Variants in DGKK observed in about 807,000 individuals in gnomAD.
The protein encoded by DGKK is 142 kDa diacylglycerol kinase.
DGKK carries 35 observed loss-of-function variants against 92.2 expected under a neutral mutation model. The ratio of observed to expected loss-of-function variants is 0.38; its 90% CI spans 0.29 to 0.50. DGKK has a LOEUF of 0.50. Among genes scored for constraint, DGKK ranks in the 20% least tolerant of loss-of-function variants. The pLI, the probability that DGKK is intolerant of heterozygous loss-of-function variation, is 0.92. For synonymous variants in DGKK, 368 were observed against 360.6 expected (o/e 1.02, Z -0.23); for missense variants, 910 against 992.2 (o/e 0.92, Z 1.11).
rs189584194 is a variant in DGKK, at chrX:50,444,387, C to T, written c.646-20029G>A. Among the ~76,000 whole-genome samples the T allele has an allele frequency of 6.4e-3, 704 of 110,557 alleles. 5 individuals are homozygous for T. The highest frequency in any genetic ancestry group is 0.011 in the Admixed American group (115 of 10,409). On this transcript the variant is annotated intron_variant, in intron 1 of 27. Transcript: ENST00000611977. ...TTTGTTGTACAGACTATTTCGTCAC[C>T]CAGGTATTAAGCCCAGTACTCAACA...
At chrX:50,453,191 C>A (rs928882127) in intron 1 of DGKK, among the ~76,000 whole-genome samples, 8 of 111,223 alleles carry the variant, frequency 7.2e-5, no homozygotes. Flanking sequence ...CTCAAAGAGG[C>A]TGCTTTGAAA....
intron 24 of DGKK, among the ~76,000 whole-genome samples, chrX:50,375,439 C>A (rs1193264368): frequency 8.9e-6 from 1 of 111,843 alleles, no homozygotes; most frequent in Non-Finnish European, 1.9e-5. Flanking sequence ...TAGGGCCTAA[C>A]ATCTCTCTTC....
chrX:50,400,253 CA>C (rs1178742887), intron 8 of DGKK, among the ~76,000 whole-genome samples: 1 of 111,536 alleles, frequency 9.0e-6, no homozygotes, highest in Non-Finnish European at 1.9e-5. Flanking sequence ...AAAAACTATA[CA>C]AAATACCCTT....
In DGKK at chrX:50,392,427, C is replaced by G; in HGVS notation, c.1618G>C (p.Ala540Pro). The G allele has an allele frequency of 8.3e-7, 1 of 1,210,945 alleles. No homozygotes were observed. Among genetic ancestry groups the G allele is most frequent in the South Asian group, 1.8e-5 (1 of 56,957 alleles). Residue 540 changes from alanine to proline, a missense_variant, in exon 10 of 28, where the codon GCT becomes CCT. Physicochemically the swap from Ala to Pro is conservative, Grantham distance 27 (BLOSUM62 -1). Coordinates refer to ENST00000611977, the MANE Select transcript of DGKK (RefSeq NM_001013742.4). ...EAGLSMFKNF[A>P]RFRILVCGGD... ...CCACAAACCAGAATGCGAAAGCGAG[C>G]AAAGTTCTTGAACATAGACAGCCTG...
intron 8 of DGKK, among the ~76,000 whole-genome samples, chrX:50,393,930 A>T (rs782111963): frequency 1.6e-4 from 18 of 112,520 alleles, no homozygotes; most frequent in Non-Finnish European, 3.0e-4. Context: ...AATCTGTGTT[A>T]TCTCACCAAC....
intron 1 of DGKK, among the ~76,000 whole-genome samples, chrX:50,456,048 C>G (rs1226350374): frequency 8.9e-6 from 1 of 111,911 alleles, no homozygotes; most frequent in African/African-American, 3.2e-5. Context: ...ATGTGGTCAT[C>G]TTGCCCTGCA....
chrX:50,443,820 A>ACT (rs782815612), intron 1 of DGKK, among the ~76,000 whole-genome samples: 3 of 108,447 alleles, frequency 2.8e-5, no homozygotes, highest in Non-Finnish European at 5.8e-5. Flanking sequence ...TAGGCACAAA[A>ACT]CTCTCTCCTG....
At position 50,367,608 on chromosome X, in the gene DGKK, G is replaced by A. The variant is rs2041689723; in HGVS notation, c.*1332C>T. The A allele has an allele frequency of 9.0e-6, 1 of 111,152 alleles. No individual in the cohort carries two copies. The highest frequency in any genetic ancestry group is 1.9e-5 in the Non-Finnish European group (1 of 53,000). 9.2% of individuals were successfully genotyped at this position (111,152 alleles called of 1,213,427 possible). A position where few individuals can be genotyped will look rare whatever the true frequency, so the allele number is the denominator to read the frequency against. On this transcript the variant is annotated 3_prime_UTR_variant, in exon 28 of 28. Transcript: ENST00000611977. ...AAGATCAGGCCAAGATGGAGCTTGT[G>A]GGGAAGGGCCTAGGCTGTGACTTAA...
intron 4 of DGKK, among the ~76,000 whole-genome samples, chrX:50,416,557 A>G (rs944271193): frequency 2.2e-4 from 25 of 112,260 alleles, no homozygotes; most frequent in Non-Finnish European, 4.5e-4. Context: ...TGTTGAGTTT[A>G]GATAAAACGA....
intron 1 of DGKK, among the ~76,000 whole-genome samples, chrX:50,442,449 C>T (rs1231502434): frequency 9.0e-6 from 1 of 110,680 alleles, no homozygotes; most frequent in Non-Finnish European, 1.9e-5. Context: ...CAAGGTACCC[C>T]CTTGACAAAT....
chrX:50,384,713 T>C lies in DGKK; in HGVS notation c.2452+7A>G. On this transcript the variant is annotated splice_region_variant and intron_variant, in intron 16 of 27. Transcript: ENST00000611977. ...AGAATAAGGGAAGAAGACAGAAAGA[T>C]CCTTACGGCGTCGTGGGCTTGTCTG... 2.5e-6 allele frequency: 3 copies of C among 1,202,438 alleles called. No individual in the cohort carries two copies. The highest frequency in any genetic ancestry group is 3.4e-6 in the Non-Finnish European group (3 of 888,836).
At chrX:50,433,217 A>G (rs1350540722) in intron 1 of DGKK, among the ~76,000 whole-genome samples, 1 of 111,994 alleles carries the variant, frequency 8.9e-6, no homozygotes, top group Non-Finnish European at 1.9e-5. Flanking sequence ...ATGCCACAAA[A>G]CTGGCCTTTT....
intron 1 of DGKK, among the ~76,000 whole-genome samples, chrX:50,450,545 C>T (rs1557232377): frequency 8.9e-6 from 1 of 112,115 alleles, no homozygotes; most frequent in Non-Finnish European, 1.9e-5. Flanking sequence ...GCTGTCTCTT[C>T]ACAACCATTT....
At chrX:50,375,884 C>T in intron 24 of DGKK, 140 bp downstream of exon 24, 1 of 735,603 alleles carries the variant, frequency 1.4e-6, no homozygotes, top group Non-Finnish European at 1.9e-6. Context: ...GGAATGCCTG[C>T]CTTCCCGTCC....
intron 13 of DGKK, among the ~76,000 whole-genome samples, chrX:50,388,155 C>T (rs1192001465): frequency 2.7e-5 from 3 of 112,083 alleles, no homozygotes; most frequent in Non-Finnish European, 3.8e-5. Flanking sequence ...ATGTGTTCCT[C>T]AGGTTATGAG....
chrX:50,437,938 G>A (rs782371618), intron 1 of DGKK, among the ~76,000 whole-genome samples: 37 of 111,054 alleles, frequency 3.3e-4, no homozygotes, highest in African/African-American at 1.2e-3. Flanking sequence ...TCTGGGAAGA[G>A]GCAGTAGTGG....
intron 25 of DGKK, among the ~76,000 whole-genome samples, chrX:50,373,380 T>C (rs186155018): frequency 1.8e-5 from 2 of 112,118 alleles, no homozygotes; most frequent in African/African-American, 3.2e-5. Flanking sequence ...AAGTCCTCAC[T>C]GGGCCCTATG....
Position 50,422,438 on chromosome X carries a change from T to G in DGKK, c.837+8A>C. On this transcript the variant is annotated splice_region_variant and intron_variant, in intron 3 of 27. Transcript: ENST00000611977. ...CCTGCCCATTCAGTCATTCCCAATCTTACTTACACAAAAACTGTGGCAAAG... is the reference window on the plus strand; with the variant it reads ...CCTGCCCATTCAGTCATTCCCAATCGTACTTACACAAAAACTGTGGCAAAG... The G allele has an allele frequency of 8.4e-7, 1 of 1,192,108 alleles. No homozygotes were observed.
chrX:50,435,755 G>GAT (rs1282915958), intron 1 of DGKK, among the ~76,000 whole-genome samples: 3 of 110,098 alleles, frequency 2.7e-5, no homozygotes, highest in Non-Finnish European at 1.9e-5. Context: ...GAGAGAGAGA[G>GAT]ATATTCAGAA....
Sources: allele counts gnomAD v4.1 joint callset (sites outside exome capture counted in the v4.1 genomes callset), GRCh38; gene constraint gnomAD v4.1.1; transcripts MANE v1.5; gene names NCBI Gene and HGNC (gene_info 2026-07-23, HGNC 2026-07-21).